ATP13A3: variants seen among roughly 807,000 people sequenced by gnomAD.
The protein encoded by ATP13A3 is ATPase 13A3, also known as polyamine-transporting ATPase 13A3.
A neutral mutation model predicts 158.1 loss-of-function variants in ATP13A3; 59 were observed. The observed-to-expected ratio is 0.37, with a 90% CI of 0.30 to 0.46. The LOEUF (loss-of-function observed/expected upper bound fraction) is 0.46. Ranked by LOEUF, ATP13A3 falls within the 20% of genes least tolerant of loss-of-function variation. The pLI is 1.00. For synonymous variants in ATP13A3, 491 were observed against 504.3 expected (o/e 0.97, Z 0.35); for missense variants, 1,166 against 1,525.2 (o/e 0.76, Z 3.92).
Position 194,431,093 on chromosome 3 carries a change from A to T in ATP13A3, c.2544+11T>A. 1 of 1,613,388 alleles carries T rather than the reference A, an allele frequency of 6.2e-7. No homozygotes were observed. Among genetic ancestry groups the T allele is most frequent in the Non-Finnish European group, 8.5e-7 (1 of 1,179,390 alleles). ...TTCATGTGAGCACACACATACACCC[A>T]AATTACTTACCTTAGGAACAAGGTC... On this transcript the variant is annotated intron_variant, in intron 23 of 33. Transcript: ENST00000645319.
In ATP13A3 at chr3:194,405,427, T is replaced by C. The variant is rs1714864133; in HGVS notation, c.*492A>G. On this transcript the variant is annotated 3_prime_UTR_variant, in exon 34 of 34. Transcript: ENST00000645319. ...GAATTCTTTGGAAGAAACATTGGAA[T>C]CAAATGAAAACAGGCTTTCAGTATA... 6.4e-6 allele frequency: 1 copy of C among 156,104 alleles called. No homozygotes were observed. Among genetic ancestry groups the C allele is most frequent in the Non-Finnish European group, 1.4e-5 (1 of 70,586 alleles). The allele number at this position is 156,104 out of a possible 1,614,324, so 9.7% of individuals were successfully genotyped here.
Position 194,431,756 on chromosome 3 carries a change from G to T in ATP13A3, c.2382C>A (p.Ser794=). ...VAKINWHYAD[S]LTQCSHPSAI... The stretch of plus-strand genomic sequence containing the variant: ...CTGATGGATGACTGCACTGCGTGAG[G>T]GAGTCTGCATAATGCCAATTTATTT... The change falls in exon 22 of 34, where the codon TCC becomes TCA. Residue 794 remains serine (S), a synonymous_variant. Transcript: ENST00000645319. The T allele has an allele frequency of 6.2e-7, 1 of 1,610,862 alleles. No individual in the cohort carries two copies. Among genetic ancestry groups the T allele is most frequent in the South Asian group, 1.1e-5 (1 of 90,476 alleles).
At chr3:194,406,190 A>G (rs1213386842) in intron 33 of ATP13A3, 74 bp from the exon 34 acceptor site, 20 of 1,439,538 alleles carry the variant, frequency 1.4e-5, no homozygotes, top group Non-Finnish European at 1.9e-5. Context: ...CAGGTTTGTT[A>G]AAGCACACAT....
At chr3:194,483,407 C>A (rs971021539) in intron 2 of ATP13A3, among the ~76,000 whole-genome samples, 2 of 142,902 alleles carry the variant, frequency 1.4e-5, no homozygotes, top group Non-Finnish European at 3.0e-5. Context: ...CTGGGCAACA[C>A]GGTGAAAACC....
chr3:194,477,657 T>C (rs1186028168), intron 2 of ATP13A3, among the ~76,000 whole-genome samples: 1 of 152,226 alleles, frequency 6.6e-6, no homozygotes, highest in Non-Finnish European at 1.5e-5. Context: ...TAACCTAAGA[T>C]GAATCACTAA....
rs1714820978 is a variant in ATP13A3, at chr3:194,404,737, T to G, written c.*1182A>C. 6.6e-6 allele frequency: 1 copy of G among 152,246 alleles called. No homozygotes were observed. The highest frequency in any genetic ancestry group is 2.1e-4 in the South Asian group (1 of 4,832). 9.4% of individuals were successfully genotyped at this position (152,246 alleles called of 1,614,324 possible). A position where few individuals can be genotyped will look rare whatever the true frequency, so the allele number is the denominator to read the frequency against. On this transcript the variant is annotated 3_prime_UTR_variant, in exon 34 of 34. Coordinates refer to ENST00000645319, the MANE Select transcript of ATP13A3 (RefSeq NM_001367549.1). ...CTCAATGAATGTCAATTTTTTAACTTTATTTCCTCAATTTTTTTTCTCCCA... is the reference window on the plus strand; with the variant it reads ...CTCAATGAATGTCAATTTTTTAACTGTATTTCCTCAATTTTTTTTCTCCCA...
intron 8 of ATP13A3, among the ~76,000 whole-genome samples, chr3:194,455,260 T>C (rs544967947): frequency 7.9e-5 from 12 of 152,242 alleles, no homozygotes; most frequent in African/African-American, 2.9e-4. Context: ...GCAATGAACT[T>C]CACCCACCCA....
chr3:194,428,784 T>G lies in ATP13A3; in HGVS notation c.2947+61A>C, dbSNP rs1341765282. 28 of 1,263,034 alleles carry G rather than the reference T, an allele frequency of 2.2e-5. No homozygotes were observed. In the South Asian group the frequency reaches 2.3e-4, roughly 10 times the overall value. 78.2% of individuals were successfully genotyped at this position (1,263,034 alleles called of 1,614,324 possible). On this transcript the variant is annotated intron_variant, in intron 28 of 33. Coordinates refer to ENST00000645319, the MANE Select transcript of ATP13A3 (RefSeq NM_001367549.1). ...ATTGTTGATGTAAATTTACAAAAAT[T>G]TAATAAGTCACATCAGAATTTCATA...
intron 4 of ATP13A3, 106 bp from the exon 5 acceptor site, chr3:194,460,077 T>C (rs1035178071): frequency 1.9e-5 from 17 of 908,810 alleles, no homozygotes; most frequent in Non-Finnish European, 2.3e-5. Context: ...TCATCTCTAA[T>C]TGAGGAAACA....
At chr3:194,430,371 T>G in intron 24 of ATP13A3, 56 bp from the exon 25 acceptor site, 1 of 1,541,092 alleles carries the variant, frequency 6.5e-7, no homozygotes, top group Non-Finnish European at 8.9e-7. Flanking sequence ...ACAAAACATT[T>G]AACTTATTAA....
At chr3:194,457,937 C>T (rs1719352374) in intron 6 of ATP13A3, among the ~76,000 whole-genome samples, 1 of 152,038 alleles carries the variant, frequency 6.6e-6, no homozygotes, top group South Asian at 2.1e-4. Flanking sequence ...AGGCACACAC[C>T]ACCATGCCTA....
chr3:194,442,249 G>T (rs369972825), intron 15 of ATP13A3, among the ~76,000 whole-genome samples: 1 of 152,122 alleles, frequency 6.6e-6, no homozygotes, highest in Non-Finnish European at 1.5e-5. Flanking sequence ...TTAAAGATGC[G>T]CTAGCAAACA....
rs1396814705 is a variant in ATP13A3 at position 194,431,038 on chromosome 3, C to A, written c.2545-16G>T. ...GCAACATCAACTGGAAACAATAATA[C>A]AAATTTTTTTAAAATACTGTTGCGA... On this transcript the variant is annotated splice_polypyrimidine_tract_variant and intron_variant, in intron 23 of 33. Transcript: ENST00000645319. The A allele has an allele frequency of 1.9e-6, 3 of 1,613,228 alleles. No individual in the cohort carries two copies. The highest frequency in any genetic ancestry group is 2.5e-6 in the Non-Finnish European group (3 of 1,179,526).
chr3:194,437,944 G>A (rs758227221), intron 17 of ATP13A3, among the ~76,000 whole-genome samples: 6 of 152,134 alleles, frequency 3.9e-5, no homozygotes, highest in Non-Finnish European at 1.5e-5. Context: ...TGGATCACTT[G>A]AGGGCAGGAG....
chr3:194,467,216 T>C (rs1204354298), intron 2 of ATP13A3, among the ~76,000 whole-genome samples: 2 of 152,238 alleles, frequency 1.3e-5, no homozygotes, highest in Non-Finnish European at 2.9e-5. Flanking sequence ...GCCCATGTAC[T>C]TTTAACTATT....
At chr3:194,464,383 G>A (rs1228379210) in intron 2 of ATP13A3, among the ~76,000 whole-genome samples, 13 of 152,136 alleles carry the variant, frequency 8.5e-5, no homozygotes, top group Non-Finnish European at 5.9e-5. Context: ...AACCTTTTGG[G>A]CATGGTAACA....
intron 6 of ATP13A3, chr3:194,459,222 T>G (rs1371881286): frequency 2.3e-6 from 1 of 440,092 alleles, no homozygotes; most frequent in African/African-American, 2.0e-5. Context: ...GAACTCAGAC[T>G]CAGTAGACTT....
rs1342274953 is a variant in ATP13A3 at position 194,486,840 on chromosome 3, G to A, written c.-363C>T. On this transcript the variant is annotated 5_prime_UTR_variant, in exon 1 of 34. Coordinates refer to ENST00000645319, the MANE Select transcript of ATP13A3 (RefSeq NM_001367549.1). The stretch of plus-strand genomic sequence containing the variant: ...TGCAGCCGGCAGGGCGAGAACAAGG[G>A]AGGGCGGCGGGAGGTGGGCAGGGGA... 1 of 151,912 alleles carries A rather than the reference G, an allele frequency of 6.6e-6. No individual in the cohort carries two copies. Among genetic ancestry groups the A allele is most frequent in the Non-Finnish European group, 1.5e-5 (1 of 68,026 alleles). The allele number at this position is 151,912 out of a possible 1,614,324, so 9.4% of individuals were successfully genotyped here.
chr3:194,476,766 G>GTTTT (rs367780103), intron 2 of ATP13A3, among the ~76,000 whole-genome samples: 5,977 of 128,632 alleles, frequency 0.046, 339 homozygotes, highest in African/African-American at 0.14. Flanking sequence ...GTAAGTTGTT[G>GTTTT]TTTTTTTTTT....
Sources: gnomAD v4.1 joint callset for allele counts (sites outside exome capture counted in the v4.1 genomes callset) on GRCh38, gnomAD v4.1.1 for gene constraint, MANE v1.5 for transcripts, NCBI Gene and HGNC (gene_info 2026-07-23, HGNC 2026-07-21) for gene names.